Variants in ILRUN observed in about 807,000 individuals in gnomAD.
ILRUN encodes the protein inflammation and lipid regulator with UBA-like and NBR1-like domains.
Under a neutral mutation model 33.8 loss-of-function variants are expected in ILRUN, and 3 were observed. The observed-to-expected ratio is 0.09, with a 90% CI of 0.04 to 0.23. The LOEUF (loss-of-function observed/expected upper bound fraction) is 0.23, where lower values mean the gene tolerates loss of function less well. Ranked by LOEUF, ILRUN falls within the 10% of genes least tolerant of loss-of-function variation. The probability of loss-of-function intolerance (pLI) is 1.00; values close to 1 mark genes in which losing one functional copy is unlikely to be tolerated. For synonymous variants in ILRUN, 124 were observed against 138.9 expected (o/e 0.89, Z 0.75); for missense variants, 210 against 375.1 (o/e 0.56, Z 3.64).
chr6:34,634,728 C>A (rs1432118198), intron 3 of ILRUN, among the ~76,000 whole-genome samples: 2 of 152,202 alleles, frequency 1.3e-5, no homozygotes, highest in African/African-American at 4.8e-5. Context: ...TCCCACATCA[C>A]TCAAGATGAA....
intron 3 of ILRUN, among the ~76,000 whole-genome samples, chr6:34,643,614 G>T (rs1161063961): frequency 2.6e-5 from 4 of 152,174 alleles, no homozygotes; most frequent in African/African-American, 9.7e-5. Context: ...GTTCTTTGGG[G>T]ATGGACTAAA....
At chr6:34,682,293 T>G (rs1341621579) in intron 1 of ILRUN, among the ~76,000 whole-genome samples, 2 of 142,636 alleles carry the variant, frequency 1.4e-5, no homozygotes, top group Non-Finnish European at 3.0e-5. Flanking sequence ...AGTCTCGCTC[T>G]GTCGCCCAGG....
chr6:34,659,597 T>C (rs140085723), intron 1 of ILRUN, among the ~76,000 whole-genome samples: 36 of 151,162 alleles, frequency 2.4e-4, no homozygotes, highest in African/African-American at 8.7e-4. Context: ...TTTTGTTGTA[T>C]ATATACATAC....
chr6:34,627,525 T>C (rs889472976), intron 3 of ILRUN, among the ~76,000 whole-genome samples: 1 of 152,200 alleles, frequency 6.6e-6, no homozygotes, highest in Non-Finnish European at 1.5e-5. Context: ...CCTACCAGTA[T>C]TTGGTATTGT....
intron 2 of ILRUN, among the ~76,000 whole-genome samples, chr6:34,648,822 A>T (rs916056219): frequency 6.6e-6 from 1 of 152,186 alleles, no homozygotes; most frequent in African/African-American, 2.4e-5. Context: ...CTGCAACAAG[A>T]TAATGTCTGT....
intron 3 of ILRUN, among the ~76,000 whole-genome samples, chr6:34,608,603 C>T (rs1292022570): frequency 1.3e-5 from 2 of 152,042 alleles, no homozygotes; most frequent in African/African-American, 4.8e-5. Flanking sequence ...CATTAAAAAA[C>T]AAACTACAAT....
chr6:34,652,180 T>C (rs1292554566), intron 2 of ILRUN, among the ~76,000 whole-genome samples: 1 of 152,100 alleles, frequency 6.6e-6, no homozygotes, highest in African/African-American at 2.4e-5. Context: ...ATGAAGAAAC[T>C]GTCTTGATAT....
rs778767271 is a variant in ILRUN at position 34,635,565 on chromosome 6, AAGGGAGGG to A, written c.511+11028_511+11035del. ...AAAGAAAGGAAGGAAGGAAGGAAGG[AAGGGAGGG>A]AGGGAGGGAGGGAGGGAGGAAAAGA... On this transcript the variant is annotated intron_variant, in intron 3 of 4. Coordinates refer to ENST00000374023, the MANE Select transcript of ILRUN (RefSeq NM_024294.4). Among the ~76,000 whole-genome samples, 669 of 119,492 alleles carry A rather than the reference AAGGGAGGG, an allele frequency of 5.6e-3. 10 individuals carry two copies. The highest frequency in any genetic ancestry group is 0.018 in the African/African-American group (552 of 30,806). The allele number at this position is 119,492 out of a possible 152,430, so 78.4% of individuals were successfully genotyped here. A position where few individuals can be genotyped will look rare whatever the true frequency, so the allele number is the denominator to read the frequency against.
intron 3 of ILRUN, among the ~76,000 whole-genome samples, chr6:34,627,163 A>G (rs1037957922): frequency 1.3e-5 from 2 of 152,170 alleles, no homozygotes; most frequent in Admixed American, 1.3e-4. Context: ...ATCCAACAGT[A>G]TGTAGCCTTT....
chr6:34,683,282 T>C (rs1359425513), intron 1 of ILRUN, among the ~76,000 whole-genome samples: 10 of 150,942 alleles, frequency 6.6e-5, no homozygotes, highest in Non-Finnish European at 1.3e-4. Context: ...AGGGCCTTGT[T>C]ATCTACTACC....
intron 1 of ILRUN, among the ~76,000 whole-genome samples, chr6:34,673,904 TACACACACACACAC>T (rs370280008): frequency 8.0e-5 from 9 of 113,088 alleles, no homozygotes; most frequent in South Asian, 5.9e-4. Flanking sequence ...AACAACCACA[TACACACACACACAC>T]ACACACACAC....
At chr6:34,631,738 G>A (rs560417342) in intron 3 of ILRUN, among the ~76,000 whole-genome samples, 1 of 152,190 alleles carries the variant, frequency 6.6e-6, no homozygotes, top group East Asian at 1.9e-4. Context: ...AGGGGCTGCA[G>A]GAAGGGAGGA....
At chr6:34,622,019 C>T (rs1246109121) in intron 3 of ILRUN, among the ~76,000 whole-genome samples, 7 of 152,174 alleles carry the variant, frequency 4.6e-5, no homozygotes, top group Admixed American at 2.6e-4. Flanking sequence ...TCTCAAAAAA[C>T]GATGCTGAGA....
At chr6:34,610,048 C>G (rs980850128) in intron 3 of ILRUN, among the ~76,000 whole-genome samples, 11 of 151,846 alleles carry the variant, frequency 7.2e-5, no homozygotes, top group African/African-American at 2.7e-4. Context: ...ATAGTCCCAG[C>G]CACTCGAGAG....
At chr6:34,628,997 G>A (rs1762194608) in intron 3 of ILRUN, among the ~76,000 whole-genome samples, 2 of 152,264 alleles carry the variant, frequency 1.3e-5, no homozygotes, top group African/African-American at 4.8e-5. Context: ...TGTAGTCCCA[G>A]CTACTTGGGA....
intron 1 of ILRUN, among the ~76,000 whole-genome samples, chr6:34,670,073 A>G (rs535986302): frequency 1.3e-5 from 2 of 152,068 alleles, no homozygotes; most frequent in South Asian, 4.2e-4. Context: ...TACCACACCC[A>G]GCTAATTTTT....
At chr6:34,687,565 G>A (rs539521100) in intron 1 of ILRUN, among the ~76,000 whole-genome samples, 105 of 151,838 alleles carry the variant, frequency 6.9e-4, no homozygotes, top group African/African-American at 2.5e-3. Flanking sequence ...GGGCGTGGTG[G>A]CACACAGCTG....
At chr6:34,668,131 G>GT (rs1763042517) in intron 1 of ILRUN, among the ~76,000 whole-genome samples, 1 of 152,106 alleles carries the variant, frequency 6.6e-6, no homozygotes, top group African/African-American at 2.4e-5. Context: ...GAAAAAAAAA[G>GT]TATAAAAGCT....
Position 34,606,281 on chromosome 6 carries a change from TA to T in ILRUN, c.861+273del, listed in dbSNP as rs557884851. Among the ~76,000 whole-genome samples, 15 of 152,126 alleles carry T rather than the reference TA, an allele frequency of 9.9e-5. No individual in the cohort carries two copies. The South Asian group carries it at 3.1e-3, about 32-fold the overall frequency. ...GTTTCTTTTTTTAAAATACTAAAGG[TA>T]AAGAACTTCACTCTTTCAACACCCA... On this transcript the variant is annotated intron_variant, in intron 4 of 4. Coordinates refer to ENST00000374023, the MANE Select transcript of ILRUN (RefSeq NM_024294.4).
Sources: allele counts gnomAD v4.1 joint callset (sites outside exome capture counted in the v4.1 genomes callset), GRCh38; gene constraint gnomAD v4.1.1; transcripts MANE v1.5; gene names NCBI Gene and HGNC (gene_info 2026-07-23, HGNC 2026-07-21).